The following ERMP1 variants were observed in gnomAD, a reference collection of about 807,000 sequenced individuals.
ERMP1 encodes the protein Felix-ina.
A neutral mutation model predicts 92.0 loss-of-function variants in ERMP1; 86 were observed. The observed-to-expected ratio is 0.93, with a 90% CI of 0.79 to 1.12. The LOEUF (loss-of-function observed/expected upper bound fraction) is 1.12. ERMP1 is among the 50% of genes most tolerant of loss of function. The pLI is 0.00. For synonymous variants in ERMP1, 530 were observed against 412.8 expected, an observed-to-expected ratio of 1.28 and a Z score of -3.44; for missense variants, 1,342 against 1,116.3, an observed-to-expected ratio of 1.20 and a Z score of -2.88.
Position 5,786,710 on chromosome 9 carries a change from C to A in ERMP1, c.*434G>T, listed in dbSNP as rs1446111567. 1.2e-5 allele frequency: 2 copies of A among 161,956 alleles called. No homozygotes were observed. Among genetic ancestry groups the A allele is most frequent in the African/African-American group, 4.8e-5 (2 of 41,586 alleles). 10.0% of individuals were successfully genotyped at this position (161,956 alleles called of 1,614,324 possible). On this transcript the variant is annotated 3_prime_UTR_variant, in exon 15 of 15. Transcript: ENST00000339450. The stretch of plus-strand genomic sequence containing the variant: ...GTTATATTCTCAAGGGGAATCATTA[C>A]CTCAGTGAATGATATTTTACCCACC...
intron 6 of ERMP1, among the ~76,000 whole-genome samples, chr9:5,852,775 T>C (rs2129760789): frequency 6.6e-6 from 1 of 152,184 alleles, no homozygotes; most frequent in Non-Finnish European, 1.5e-5. Flanking sequence ...CTTTTTGAAA[T>C]CAGGGAAGAT....
intron 13 of ERMP1, among the ~76,000 whole-genome samples, chr9:5,789,367 A>G (rs899757774): frequency 6.6e-6 from 1 of 152,266 alleles, no homozygotes; most frequent in Non-Finnish European, 1.5e-5. Context: ...AACAATTTTT[A>G]AAAACTCAAT....
At chr9:5,840,262 G>C (rs1035583626) in intron 6 of ERMP1, among the ~76,000 whole-genome samples, 2 of 152,048 alleles carry the variant, frequency 1.3e-5, no homozygotes, top group Non-Finnish European at 1.5e-5. Flanking sequence ...AAGAGAGAGA[G>C]AGAAGAGAGA....
chr9:5,833,663 T>TA (rs1830040999), upstream of ERMP1, among the ~76,000 whole-genome samples: 2 of 152,230 alleles, frequency 1.3e-5, no homozygotes, highest in Non-Finnish European at 2.9e-5. Context: ...TAATACATCA[T>TA]CTTATTTAAT....
At position 5,786,912 on chromosome 9, in the gene ERMP1, T is replaced by A; in HGVS notation, c.*232A>T. 1 of 389,652 alleles carries A rather than the reference T, an allele frequency of 2.6e-6. No homozygotes were observed. The highest frequency in any genetic ancestry group is 4.3e-5 in the Admixed American group (1 of 23,352). The allele number at this position is 389,652 out of a possible 1,614,324, so 24.1% of individuals were successfully genotyped here. On this transcript the variant is annotated 3_prime_UTR_variant, in exon 15 of 15. Coordinates refer to ENST00000339450, the MANE Select transcript of ERMP1 (RefSeq NM_024896.3). The stretch of plus-strand genomic sequence containing the variant: ...CGTGTGTGTAGTGGCAGTACCCACA[T>A]GTGCTGAAGTGCCAAAAGACTGGCA...
intron 4 of ERMP1, among the ~76,000 whole-genome samples, chr9:5,814,695 A>T (rs2131246357): frequency 6.6e-6 from 1 of 152,264 alleles, no homozygotes; most frequent in South Asian, 2.1e-4. Flanking sequence ...GTGCCACTGC[A>T]CTCCAGCCTG....
chr9:5,859,410 T>C (rs1369828265), intron 6 of ERMP1, among the ~76,000 whole-genome samples: 4 of 152,294 alleles, frequency 2.6e-5, no homozygotes, highest in East Asian at 3.9e-4. Flanking sequence ...TAGTTTCAGA[T>C]AAGTAAACAC....
rs767796823 is a variant in ERMP1 at position 5,810,151 on chromosome 9, T to C, written c.1408A>G (p.Ile470Val). 1 of 1,614,104 alleles carries C rather than the reference T, an allele frequency of 6.2e-7. No homozygotes were observed. The part of the protein sequence containing the change: ...SWFTSLVTVL[I>V]IAVFISLIGQ... ...ATAAGAGAGATGAACACTGCTATAA[T>C]GAGAACGGTAACAAGGCTAGTGAAC... is the stretch of plus-strand genomic sequence containing the variant. The change falls in exon 8 of 15, where the codon ATT becomes GTT. Residue 470 changes from isoleucine to valine, a missense_variant. Coordinates refer to ENST00000339450, the MANE Select transcript of ERMP1 (RefSeq NM_024896.3).
At chr9:5,855,917 C>T (rs1324083581) in intron 6 of ERMP1, 1 of 211,734 alleles carries the variant, frequency 4.7e-6, no homozygotes, top group Non-Finnish European at 1.0e-5. Flanking sequence ...CTGGCTTTGC[C>T]ACAACCTTGT....
At chr9:5,857,823 C>T (rs1486413012) in intron 6 of ERMP1, among the ~76,000 whole-genome samples, 4 of 152,188 alleles carry the variant, frequency 2.6e-5, no homozygotes, top group African/African-American at 4.8e-5. Flanking sequence ...CAAGTGTTTA[C>T]TAAGCACCTA....
At chr9:5,848,841 G>A (rs1230621224) in intron 6 of ERMP1, among the ~76,000 whole-genome samples, 1 of 152,170 alleles carries the variant, frequency 6.6e-6, no homozygotes, top group Non-Finnish European at 1.5e-5. Context: ...AAGAGTGAGT[G>A]GGTGAGGACT....
At chr9:5,832,614 C>T (rs1829992277) in intron 1 of ERMP1, 76 bp downstream of exon 1, 2 of 1,197,302 alleles carry the variant, frequency 1.7e-6, no homozygotes, top group Non-Finnish European at 2.2e-6. Context: ...CGGGTGCACA[C>T]AGGTGCGGTG....
rs917560147 is a variant in ERMP1 at position 5,786,235 on chromosome 9, GAATA to G, written c.*905_*908del. 2.2e-4 allele frequency: 34 copies of G among 152,308 alleles called. No homozygotes were observed. Among genetic ancestry groups the G allele is most frequent in the African/African-American group, 7.5e-4 (31 of 41,554 alleles). The allele number at this position is 152,308 out of a possible 1,614,324, so 9.4% of individuals were successfully genotyped here. On this transcript the variant is annotated 3_prime_UTR_variant, in exon 15 of 15. Transcript: ENST00000339450. ...AGACTCCTATGAAACAAAGAAAAGA[GAATA>G]AATATTTATAAAATTCCCACCACTC...
chr9:5,862,373 T>C (rs1441784093), intron 5 of ERMP1, among the ~76,000 whole-genome samples: 1 of 151,086 alleles, frequency 6.6e-6, no homozygotes, highest in African/African-American at 2.4e-5. Flanking sequence ...CACTCTGTCA[T>C]CCACACTGGA....
intron 5 of ERMP1, among the ~76,000 whole-genome samples, chr9:5,867,061 T>A (rs2066415): frequency 1.3e-5 from 2 of 151,938 alleles, no homozygotes; most frequent in Non-Finnish European, 2.9e-5. Flanking sequence ...CTGAGCATGC[T>A]GGCGCACACC....
intron 6 of ERMP1, among the ~76,000 whole-genome samples, chr9:5,857,675 A>G (rs1830395873): frequency 6.6e-6 from 1 of 152,200 alleles, no homozygotes; most frequent in Non-Finnish European, 1.5e-5. Context: ...CAAACAGGGT[A>G]AGCAAGGGTG....
intron 13 of ERMP1, among the ~76,000 whole-genome samples, chr9:5,788,718 C>G (rs1398742906): frequency 1.3e-5 from 2 of 151,718 alleles, no homozygotes; most frequent in African/African-American, 2.4e-5. Flanking sequence ...AAAGAAATAA[C>G]CATGAAGCAG....
intron 5 of ERMP1, among the ~76,000 whole-genome samples, chr9:5,860,290 C>CAA (rs112752410): frequency 1.7e-5 from 2 of 120,070 alleles, no homozygotes; most frequent in African/African-American, 3.1e-5. Context: ...ACCCTGTTTC[C>CAA]AAAAAAAAAA....
intron 4 of ERMP1, among the ~76,000 whole-genome samples, chr9:5,814,517 C>A (rs941804624): frequency 6.6e-6 from 1 of 152,102 alleles, no homozygotes; most frequent in African/African-American, 2.4e-5. Context: ...CCGAGGTGGG[C>A]AGAGCACCTG....
Sources: allele counts gnomAD v4.1 joint callset (sites outside exome capture counted in the v4.1 genomes callset), GRCh38; gene constraint gnomAD v4.1.1; transcripts MANE v1.5; gene names NCBI Gene and HGNC (gene_info 2026-07-23, HGNC 2026-07-21).